Variants in LMF1 observed in about 807,000 individuals in gnomAD.
LMF1 encodes transmembrane protein 112.
Under a neutral mutation model 60.6 loss-of-function variants are expected in LMF1, and 68 were observed. The ratio of observed to expected loss-of-function variants is 1.12; its 90% CI spans 0.92 to 1.37. LMF1 has a LOEUF of 1.37. Among genes scored for constraint, LMF1 ranks in the 40% most tolerant of loss-of-function variants. The pLI, the probability that LMF1 is intolerant of heterozygous loss-of-function variation, is 0.00. For synonymous variants in LMF1, 418 were observed against 324.7 expected (o/e 1.29, Z -3.09); for missense variants, 948 against 767.2 (o/e 1.24, Z -2.78).
intron 3 of LMF1, among the ~76,000 whole-genome samples, chr16:914,626 T>C (rs79574463): frequency 8.3e-4 from 124 of 149,920 alleles, no homozygotes; most frequent in Non-Finnish European, 1.4e-3. Context: ...CCCATGACCA[T>C]TGGTGACACA....
chr16:893,184 G>T, intron 4 of LMF1, 112 bp from the exon 5 acceptor site: 1 of 891,854 alleles, frequency 1.1e-6, no homozygotes, highest in Non-Finnish European at 1.8e-6. Flanking sequence ...GTGGATCTGG[G>T]CTGCAGGCGC....
At chr16:975,964 G>A (rs2073129966), upstream of LMF1, 1 of 316,118 alleles carries the variant, frequency 3.2e-6, no homozygotes, top group African/African-American at 7.7e-5. Context: ...GGTTTCAAAT[G>A]TGGACATTCC....
intron 4 of LMF1, chr16:899,054 T>C (rs556519629): frequency 6.6e-6 from 1 of 152,348 alleles, no homozygotes; most frequent in African/African-American, 2.4e-5. Context: ...ACCCAGGAGA[T>C]CCTTTGAAGA....
intron 1 of LMF1, among the ~76,000 whole-genome samples, chr16:956,442 G>A (rs1481028534): frequency 6.6e-6 from 1 of 152,100 alleles, no homozygotes; most frequent in East Asian, 1.9e-4. Context: ...ATTCAAATGT[G>A]AATCAAAAGA....
chr16:880,752 GC>G (rs1259919092), intron 5 of LMF1, among the ~76,000 whole-genome samples: 1 of 152,268 alleles, frequency 6.6e-6, no homozygotes, highest in Non-Finnish European at 1.5e-5. Flanking sequence ...TGGGGCCCAG[GC>G]CCCCACACGC....
chr16:977,716 C>T (rs1048679979), intron 1 of LMF1, among the ~76,000 whole-genome samples: 1 of 150,934 alleles, frequency 6.6e-6, no homozygotes, highest in Non-Finnish European at 1.5e-5. Flanking sequence ...CAGGGAGGGA[C>T]GGAGGGGCAC....
chr16:891,969 G>A lies in LMF1; in HGVS notation c.729+1038C>T, dbSNP rs187977015. Among the ~76,000 whole-genome samples the A allele has an allele frequency of 1.8e-4, 27 of 152,324 alleles. No homozygotes were observed. In the East Asian group the frequency reaches 5.2e-3, roughly 29 times the overall value. On this transcript the variant is annotated intron_variant, in intron 5 of 10. Transcript: ENST00000262301. ...CTCTCGGACAAAGAGAGGAGCTCAC[G>A]GGTCCTCAGCAAGGCGGGGCACTTG... is the stretch of plus-strand genomic sequence containing the variant.
At chr16:966,723 C>T (rs888042602) in intron 1 of LMF1, among the ~76,000 whole-genome samples, 4 of 152,194 alleles carry the variant, frequency 2.6e-5, no homozygotes, top group Admixed American at 6.5e-5. Flanking sequence ...GACGGCCCAG[C>T]GGTCACTCTC....
At chr16:871,404 G>T in intron 6 of LMF1, 63 bp from the exon 7 acceptor site, 2 of 1,543,358 alleles carry the variant, frequency 1.3e-6, no homozygotes, top group Non-Finnish European at 1.8e-6. Context: ...GGCAGCTGGC[G>T]CCTCTCTTCC....
rs2070701306 is a variant in LMF1, at chr16:897,603, C to T, written c.664-4531G>A. Among the ~76,000 whole-genome samples, 1 of 152,232 alleles carries T rather than the reference C, an allele frequency of 6.6e-6. No individual in the cohort carries two copies. Among genetic ancestry groups the T allele is most frequent in the African/African-American group, 2.4e-5 (1 of 41,460 alleles). ...GGTCACAGCCCAGTGCCCCTGTGAG[C>T]AGCTGCAGGGGTCTCAGACTTGTTG... is the stretch of plus-strand genomic sequence containing the variant. On this transcript the variant is annotated intron_variant, in intron 4 of 10. Coordinates refer to ENST00000262301, the MANE Select transcript of LMF1 (RefSeq NM_022773.4). The surrounding 1 kb of genome is among the most constrained non-coding windows in gnomAD (Gnocchi z 4.3).
chr16:885,733 A>C (rs2070288351), intron 5 of LMF1, among the ~76,000 whole-genome samples: 1 of 152,218 alleles, frequency 6.6e-6, no homozygotes, highest in Non-Finnish European at 1.5e-5. Flanking sequence ...TGAAGCAAAA[A>C]CGGATAGAAA....
At chr16:909,664 C>T (rs2071057818) in intron 4 of LMF1, among the ~76,000 whole-genome samples, 1 of 152,224 alleles carries the variant, frequency 6.6e-6, no homozygotes, top group South Asian at 2.1e-4. Flanking sequence ...GGAGTCATCG[C>T]TTCCTGAGTC....
At chr16:980,091 C>G (rs899783845) in intron 1 of LMF1, 1 of 288,308 alleles carries the variant, frequency 3.5e-6, no homozygotes, top group African/African-American at 2.2e-5. Flanking sequence ...CCTCCCAACT[C>G]GCGCACTCCG....
At chr16:906,349 CA>C (rs2070971736) in intron 4 of LMF1, among the ~76,000 whole-genome samples, 1 of 152,098 alleles carries the variant, frequency 6.6e-6, no homozygotes, top group African/African-American at 2.4e-5. Context: ...CTGTTTGGGT[CA>C]GGGGGCTGGG....
chr16:919,649 G>A (rs896712446), intron 3 of LMF1, among the ~76,000 whole-genome samples: 1 of 75,166 alleles, frequency 1.3e-5, no homozygotes, highest in Non-Finnish European at 2.3e-5. Flanking sequence ...TCGGGCAGCA[G>A]CAACTGAAGG....
At chr16:980,025 G>A (rs1432793554) in intron 1 of LMF1, 6 of 331,118 alleles carry the variant, frequency 1.8e-5, no homozygotes, top group Admixed American at 4.0e-5. Flanking sequence ...ATGGTGGGAC[G>A]GGGAAGAGAG....
intron 10 of LMF1, among the ~76,000 whole-genome samples, chr16:867,699 C>T (rs540469977): frequency 4.6e-5 from 7 of 152,284 alleles, no homozygotes; most frequent in South Asian, 2.1e-4. Flanking sequence ...GCCACCCCAC[C>T]GGGGGCTCTG....
chr16:867,675 C>T (rs1160903332), intron 10 of LMF1, among the ~76,000 whole-genome samples: 1 of 152,172 alleles, frequency 6.6e-6, no homozygotes, highest in African/African-American at 2.4e-5. Context: ...CTGAGGGCGC[C>T]AGCTAGGAGG....
At chr16:981,221 C>A in exon 1 of LMF1, 1 of 455,112 alleles carries the variant, frequency 2.2e-6, no homozygotes, top group South Asian at 1.6e-5. Flanking sequence ...TGTCCTGGAC[C>A]GCAGGCAGCA....
Sources: gnomAD v4.1 joint callset for allele counts (sites outside exome capture counted in the v4.1 genomes callset) on GRCh38, gnomAD v4.1.1 for gene constraint, Gnocchi (gnomAD v3.1) non-coding constraint, MANE v1.5 for transcripts, NCBI Gene and HGNC (gene_info 2026-07-23, HGNC 2026-07-21) for gene names.